Variants in MYT1L observed in about 807,000 individuals in gnomAD.
The protein encoded by MYT1L is myelin transcription factor 1-like protein.
A neutral mutation model predicts 126.7 loss-of-function variants in MYT1L; 12 were observed. The observed-to-expected ratio is 0.09, with a 90% confidence interval of 0.06 to 0.15. MYT1L has a LOEUF of 0.15. MYT1L is among the 10% of genes least tolerant of loss of function. The pLI, the probability that MYT1L is intolerant of heterozygous loss-of-function variation, is 1.00. For missense variants in MYT1L, 979 were observed against 1,585.2 expected (o/e 0.62, Z 6.49); for synonymous variants, 541 against 604.2 (o/e 0.90, Z 1.53).
intron 21 of MYT1L, among the ~76,000 whole-genome samples, chr2:1,830,572 G>T (rs891990509): frequency 6.8e-6 from 1 of 146,560 alleles, no homozygotes; most frequent in Admixed American, 6.7e-5. Context: ...GGGGGAAAGG[G>T]TATTCTCGGC....
intron 3 of MYT1L, among the ~76,000 whole-genome samples, chr2:2,144,167 T>A (rs73913213): frequency 6.6e-6 from 1 of 152,152 alleles, no homozygotes; most frequent in African/African-American, 2.4e-5. Context: ...TGGTTGCACC[T>A]GCACCTGGGA....
intron 3 of MYT1L, among the ~76,000 whole-genome samples, chr2:2,103,011 T>A (rs1425019589): frequency 6.6e-6 from 1 of 151,884 alleles, no homozygotes; most frequent in Non-Finnish European, 1.5e-5. Context: ...ACAGCATGCG[T>A]GTATTTAGCG....
chr2:2,068,128 T>C (rs570938418), intron 3 of MYT1L, among the ~76,000 whole-genome samples: 1 of 152,174 alleles, frequency 6.6e-6, no homozygotes, highest in East Asian at 1.9e-4. Context: ...TCTGGTCCAA[T>C]GAACTTTACA....
At chr2:1,866,662 G>GGAGAGGGAGGGAGAGAGAGAGGGA in intron 18 of MYT1L, among the ~76,000 whole-genome samples, 1 of 48,814 alleles carries the variant, frequency 2.0e-5, no homozygotes, top group Admixed American at 1.6e-4. Flanking sequence ...AGAGAGAGAG[G>GGAGAGGGAGGGAGAGAGAGAGGGA]GAGAGGGAGG....
chr2:2,184,701 CT>C (rs956677836), intron 2 of MYT1L, among the ~76,000 whole-genome samples: 1 of 152,152 alleles, frequency 6.6e-6, no homozygotes, highest in Non-Finnish European at 1.5e-5. Flanking sequence ...CTGGCGGCCT[CT>C]CCAGCAGAGC....
At chr2:1,798,172 G>A (rs1431784964) in intron 23 of MYT1L, among the ~76,000 whole-genome samples, 2 of 54,654 alleles carry the variant, frequency 3.7e-5, no homozygotes, top group Non-Finnish European at 7.4e-5. Context: ...CCCTCCATCC[G>A]GCACAGGCGC....
intron 24 of MYT1L, 80 bp from the exon 25 acceptor site, chr2:1,792,087 T>C (rs1208165879): frequency 7.9e-7 from 1 of 1,265,634 alleles, no homozygotes; most frequent in East Asian, 2.6e-5. Context: ...AATAGTATCA[T>C]AGCATAGTGC....
At chr2:1,896,950 T>G (rs1404064391) in intron 14 of MYT1L, among the ~76,000 whole-genome samples, 1 of 152,178 alleles carries the variant, frequency 6.6e-6, no homozygotes, top group Non-Finnish European at 1.5e-5. Flanking sequence ...TGACGATGCA[T>G]TGACTTTCCC....
intron 21 of MYT1L, among the ~76,000 whole-genome samples, chr2:1,838,296 T>C (rs972944246): frequency 3.9e-5 from 6 of 152,212 alleles, no homozygotes; most frequent in African/African-American, 1.4e-4. Flanking sequence ...AAAATCTTCC[T>C]TAACATTTAA....
chr2:2,151,657 G>T (rs951277113), intron 3 of MYT1L, among the ~76,000 whole-genome samples: 1 of 152,192 alleles, frequency 6.6e-6, no homozygotes, highest in Non-Finnish European at 1.5e-5. Flanking sequence ...CCATGTCTAT[G>T]CTGTTTTTCC....
In MYT1L at chr2:1,903,369, T is replaced by C; in HGVS notation, c.1818-75A>G. ...TACACGACGAGCTTCACATTAAAAC[T>C]AGAATATCTTACTTTTTTAAATGTG... is the stretch of plus-strand genomic sequence containing the variant. On this transcript the variant is annotated intron_variant, in intron 13 of 24. Coordinates refer to ENST00000647738, the MANE Select transcript of MYT1L (RefSeq NM_001303052.2). 3.4e-6 allele frequency: 4 copies of C among 1,166,502 alleles called. No homozygotes were observed. In the East Asian group the frequency reaches 7.7e-5, roughly 22 times the overall value. 72.3% of individuals were successfully genotyped at this position (1,166,502 alleles called of 1,614,324 possible). A position where few individuals can be genotyped will look rare whatever the true frequency, so the allele number is the denominator to read the frequency against.
At chr2:2,114,389 A>C (rs1370936454) in intron 3 of MYT1L, among the ~76,000 whole-genome samples, 1 of 152,330 alleles carries the variant, frequency 6.6e-6, no homozygotes, top group Non-Finnish European at 1.5e-5. Context: ...GACAAATGAA[A>C]GACCTTGAAC....
At chr2:1,803,352 T>C (rs1020086164) in intron 22 of MYT1L, among the ~76,000 whole-genome samples, 7 of 152,164 alleles carry the variant, frequency 4.6e-5, no homozygotes, top group Admixed American at 4.6e-4. Context: ...TTCGACCCTC[T>C]ACAGCTGTCA....
chr2:2,136,946 T>C (rs904176594), intron 3 of MYT1L, among the ~76,000 whole-genome samples: 29 of 152,310 alleles, frequency 1.9e-4, no homozygotes, highest in African/African-American at 6.7e-4. Context: ...AACCCCATCG[T>C]CTCAGCCCAA....
At chr2:2,174,109 A>C (rs1287985807) in intron 2 of MYT1L, among the ~76,000 whole-genome samples, 2 of 152,246 alleles carry the variant, frequency 1.3e-5, no homozygotes, top group Non-Finnish European at 2.9e-5. Flanking sequence ...AGAGGTTTTA[A>C]AATTACCCTG....
At chr2:2,193,785 G>A (rs1352752669) in intron 2 of MYT1L, among the ~76,000 whole-genome samples, 9 of 152,124 alleles carry the variant, frequency 5.9e-5, no homozygotes, top group African/African-American at 1.7e-4. Flanking sequence ...AACAGTGAAC[G>A]CTGGGTTTTA....
At position 1,789,421 on chromosome 2, in the gene MYT1L, A is replaced by G. The variant is rs1259144498; in HGVS notation, c.*2446T>C. 6.6e-6 allele frequency: 1 copy of G among 152,240 alleles called. No individual in the cohort carries two copies. The highest frequency in any genetic ancestry group is 2.4e-5 in the African/African-American group (1 of 41,460). 9.4% of individuals were successfully genotyped at this position (152,240 alleles called of 1,614,324 possible). On this transcript the variant is annotated 3_prime_UTR_variant, in exon 25 of 25. Transcript: ENST00000647738. The stretch of plus-strand genomic sequence containing the variant: ...GAACAATAAGTTATAATAAACTCTG[A>G]TGACTCACAATAATCCATATGAAAG...
chr2:1,987,818 C>T (rs1185015047), intron 5 of MYT1L, among the ~76,000 whole-genome samples: 3 of 152,184 alleles, frequency 2.0e-5, no homozygotes, highest in African/African-American at 7.2e-5. Context: ...GTGACATTCC[C>T]ATGCTGGGCC....
chr2:2,310,403 A>G (rs2095947038), intron 1 of MYT1L, among the ~76,000 whole-genome samples: 1 of 152,096 alleles, frequency 6.6e-6, no homozygotes, highest in Non-Finnish European at 1.5e-5. Context: ...AGTATACTTT[A>G]TCTATACTCC....
Sources: allele counts gnomAD v4.1 joint callset (sites outside exome capture counted in the v4.1 genomes callset), GRCh38; gene constraint gnomAD v4.1.1; transcripts MANE v1.5; gene names NCBI Gene and HGNC (gene_info 2026-07-23, HGNC 2026-07-21).